Variants in HDAC4 observed in about 807,000 individuals in gnomAD.
The protein encoded by HDAC4 is histone deacetylase A.
In HDAC4, 16 loss-of-function variants were observed where a neutral mutation model predicts 135.1. The observed-to-expected ratio is 0.12, with a 90% confidence interval of 0.08 to 0.18. HDAC4 has a LOEUF of 0.18. HDAC4 is among the 10% of genes least tolerant of loss of function. The probability of loss-of-function intolerance (pLI) is 1.00; values close to 1 mark genes in which losing one functional copy is unlikely to be tolerated. For missense variants in HDAC4, 1,143 were observed against 1,511.8 expected, an observed-to-expected ratio of 0.76 and a Z score of 4.05; for synonymous variants, 685 against 653.4, an observed-to-expected ratio of 1.05 and a Z score of -0.74.
In HDAC4 at chr2:239,053,533, A is replaced by T; in HGVS notation, c.3157T>A (p.Cys1053Ser). The T allele has an allele frequency of 6.2e-7, 1 of 1,613,886 alleles. No individual in the cohort carries two copies. The highest frequency in any genetic ancestry group is 1.1e-5 in the South Asian group (1 of 91,086). ...AGRSLIEAQT[C>S]ENEEAETVTA... Reference sequence around the variant, plus strand: ...ACCGTCTCGGCTTCTTCGTTCTCGCAAGTCTGAGCCTCGATCAGAGAACGC... The same window carrying T: ...ACCGTCTCGGCTTCTTCGTTCTCGCTAGTCTGAGCCTCGATCAGAGAACGC... The change falls in exon 26 of 27, where the codon TGC (cysteine) becomes AGC (serine). Residue 1053 changes from cysteine (C) to serine (S), a missense_variant. Cys to Ser is a moderately radical substitution (Grantham distance 112). Coordinates refer to ENST00000543185, the MANE Select transcript of HDAC4 (RefSeq NM_001378414.1).
At chr2:239,298,510 T>C (rs1353256102) in intron 2 of HDAC4, 1 of 1,057,526 alleles carries the variant, frequency 9.5e-7, no homozygotes, top group Non-Finnish European at 1.1e-6. Flanking sequence ...CGCTGTGCAC[T>C]CTACAGGGGC....
intron 2 of HDAC4, among the ~76,000 whole-genome samples, chr2:239,293,320 CA>C (rs545251236): frequency 3.3e-4 from 50 of 152,232 alleles, no homozygotes; most frequent in Non-Finnish European, 5.3e-4. Flanking sequence ...GAGCTTCCCC[CA>C]AAGGGGTTTG....
At chr2:239,063,955 C>A (rs1026336001) in intron 24 of HDAC4, among the ~76,000 whole-genome samples, 3 of 152,206 alleles carry the variant, frequency 2.0e-5, no homozygotes, top group Non-Finnish European at 4.4e-5. Flanking sequence ...CCTCCCTCAG[C>A]GGCTGCGCAT....
chr2:239,233,562 T>A (rs1402319157), intron 3 of HDAC4, among the ~76,000 whole-genome samples: 2 of 152,072 alleles, frequency 1.3e-5, no homozygotes, highest in African/African-American at 4.8e-5. Flanking sequence ...CATGATATGC[T>A]CACCTGACGT....
chr2:239,142,242 C>G (rs1036987646), intron 8 of HDAC4, among the ~76,000 whole-genome samples: 9 of 152,222 alleles, frequency 5.9e-5, no homozygotes, highest in African/African-American at 1.7e-4. Flanking sequence ...ACCTGGCTCT[C>G]TTTCTGCCAA....
chr2:239,242,551 C>T (rs1036791743), intron 2 of HDAC4, among the ~76,000 whole-genome samples: 1 of 152,144 alleles, frequency 6.6e-6, no homozygotes, highest in Non-Finnish European at 1.5e-5. Flanking sequence ...CTGTAGTTAT[C>T]GTGTATTTTC....
intron 2 of HDAC4, among the ~76,000 whole-genome samples, chr2:239,319,786 A>T (rs1020267381): frequency 2.6e-5 from 4 of 152,266 alleles, no homozygotes; most frequent in Non-Finnish European, 4.4e-5. Flanking sequence ...TCCTGCCTGA[A>T]AAAGAACCCA....
At chr2:239,390,771 G>T (rs1207698450) in intron 1 of HDAC4, among the ~76,000 whole-genome samples, 1 of 152,152 alleles carries the variant, frequency 6.6e-6, no homozygotes, top group East Asian at 1.9e-4. Flanking sequence ...CCCGAGCCTG[G>T]ACCTGAGCAC....
At chr2:239,182,435 T>A (rs535470950) in intron 4 of HDAC4, among the ~76,000 whole-genome samples, 2 of 152,132 alleles carry the variant, frequency 1.3e-5, no homozygotes, top group Non-Finnish European at 2.9e-5. Flanking sequence ...CTTTCCACCA[T>A]CATTTCAAAA....
intron 14 of HDAC4, 77 bp from the exon 15 acceptor site, chr2:239,108,260 G>C (rs1001866977): frequency 6.5e-7 from 1 of 1,526,970 alleles, no homozygotes; most frequent in Non-Finnish European, 8.9e-7. Flanking sequence ...CTGCCCCCGG[G>C]TGGTGGCGGA....
chr2:239,140,360 C>T (rs1012906342), intron 8 of HDAC4, among the ~76,000 whole-genome samples: 18 of 152,170 alleles, frequency 1.2e-4, no homozygotes, highest in East Asian at 1.9e-4. Flanking sequence ...ACCATCGGTG[C>T]GGCTTGACCC....
intron 3 of HDAC4, among the ~76,000 whole-genome samples, chr2:239,208,326 C>CAAAAAAAAAAAAAAAA (rs759398313): frequency 1.5e-4 from 10 of 68,204 alleles, no homozygotes; most frequent in African/African-American, 2.1e-4. Context: ...GACTCCGTCC[C>CAAAAAAAAAAAAAAAA]AAAAAAAAAA....
At chr2:239,281,265 C>G (rs188673658) in intron 2 of HDAC4, among the ~76,000 whole-genome samples, 1 of 143,616 alleles carries the variant, frequency 7.0e-6, no homozygotes, top group Admixed American at 6.7e-5. Context: ...ACACACCACT[C>G]TACACACAAT....
intron 2 of HDAC4, among the ~76,000 whole-genome samples, chr2:239,334,353 C>G (rs1404931030): frequency 6.6e-6 from 1 of 151,810 alleles, no homozygotes; most frequent in Non-Finnish European, 1.5e-5. Flanking sequence ...CGCCCCGTCT[C>G]TACAAAAAAT....
chr2:239,358,615 C>T (rs534914919), intron 1 of HDAC4, among the ~76,000 whole-genome samples: 1 of 152,318 alleles, frequency 6.6e-6, no homozygotes, highest in African/African-American at 2.4e-5. Flanking sequence ...GACTCACTCA[C>T]ACCTCAGTAT....
At position 239,051,163 on chromosome 2, in the gene HDAC4, TG is replaced by T. The variant is rs1426258978; in HGVS notation, c.*1933del. The T allele has an allele frequency of 6.6e-6, 1 of 152,584 alleles. No individual in the cohort carries two copies. Among genetic ancestry groups the T allele is most frequent in the East Asian group, 1.9e-4 (1 of 5,182 alleles). 9.5% of individuals were successfully genotyped at this position (152,584 alleles called of 1,614,324 possible). A position where few individuals can be genotyped will look rare whatever the true frequency, so the allele number is the denominator to read the frequency against. On this transcript the variant is annotated 3_prime_UTR_variant, in exon 27 of 27. Transcript: ENST00000543185. Reference sequence around the variant, plus strand: ...GCCGGGCATCCTAAGCAACCCTCCCTGCCCTTGCCACGGAGGGGAAAAACAC... The same window carrying T: ...GCCGGGCATCCTAAGCAACCCTCCCTCCCTTGCCACGGAGGGGAAAAACAC...
chr2:239,366,620 C>A (rs1259384554), intron 1 of HDAC4, among the ~76,000 whole-genome samples: 1 of 152,150 alleles, frequency 6.6e-6, no homozygotes. Context: ...TTTCCGTTTG[C>A]TGTGAAATAA....
chr2:239,206,995 G>T (rs1331580189), intron 3 of HDAC4, among the ~76,000 whole-genome samples: 1 of 152,204 alleles, frequency 6.6e-6, no homozygotes, highest in East Asian at 1.9e-4. Flanking sequence ...TGAGAGGCTG[G>T]GGATGGGAGG....
At chr2:239,144,489 G>C in intron 8 of HDAC4, 94 bp downstream of exon 8, 4 of 1,512,432 alleles carry the variant, frequency 2.6e-6, no homozygotes, top group Non-Finnish European at 3.7e-6. Flanking sequence ...AGGCAGACAC[G>C]TGGGTTTTCA....
Sources: allele counts gnomAD v4.1 joint callset (sites outside exome capture counted in the v4.1 genomes callset), GRCh38; gene constraint gnomAD v4.1.1; transcripts MANE v1.5; gene names NCBI Gene and HGNC (gene_info 2026-07-23, HGNC 2026-07-21).